LRRC58: variants seen among roughly 807,000 people sequenced by gnomAD.
The protein encoded by LRRC58 is leucine-rich repeat-containing protein 58.
Under a neutral mutation model 30.6 loss-of-function variants are expected in LRRC58, and 18 were observed. The observed-to-expected ratio is 0.59, with a 90% CI of 0.41 to 0.87. The LOEUF is 0.87. LRRC58 is among the 40% of genes least tolerant of loss of function. The pLI, the probability that LRRC58 is intolerant of heterozygous loss-of-function variation, is 0.00. For synonymous variants in LRRC58, 221 were observed against 206.0 expected (o/e 1.07, Z -0.62); for missense variants, 420 against 468.4 (o/e 0.90, Z 0.95).
chr3:120,326,353 G>A lies in LRRC58; in HGVS notation c.*4847C>T, dbSNP rs1253800154. ...CTGGCTAATTTTTGTATTTTTAGTA[G>A]AGATGTGATTTTGCCATGTTGGCCA... On this transcript the variant is annotated 3_prime_UTR_variant, in exon 4 of 4. Transcript: ENST00000295628. The A allele has an allele frequency of 6.6e-6, 1 of 152,144 alleles. No homozygotes were observed. The highest frequency in any genetic ancestry group is 2.4e-5 in the African/African-American group (1 of 41,424). The allele number at this position is 152,144 out of a possible 1,614,324, so 9.4% of individuals were successfully genotyped here. A position where few individuals can be genotyped will look rare whatever the true frequency, so the allele number is the denominator to read the frequency against.
At chr3:120,335,286 G>T in intron 2 of LRRC58, 147 bp from the exon 3 acceptor site, 1 of 720,170 alleles carries the variant, frequency 1.4e-6, no homozygotes, top group Non-Finnish European at 2.2e-6. Flanking sequence ...AAAAGGTGCT[G>T]AAACTAGATC....
chr3:120,339,618 G>A (rs537563225), intron 1 of LRRC58, among the ~76,000 whole-genome samples: 62 of 152,146 alleles, frequency 4.1e-4, no homozygotes, highest in Admixed American at 1.6e-3. Flanking sequence ...ATGCTGCTCC[G>A]TTATCTTATT....
intron 1 of LRRC58, among the ~76,000 whole-genome samples, chr3:120,341,289 T>C (rs1196355367): frequency 1.3e-5 from 2 of 152,044 alleles, no homozygotes; most frequent in African/African-American, 4.8e-5. Flanking sequence ...CAGAAACTAC[T>C]AGGTTCCTGG....
intron 3 of LRRC58, among the ~76,000 whole-genome samples, chr3:120,333,979 T>C (rs1264018088): frequency 6.6e-6 from 1 of 152,338 alleles, no homozygotes; most frequent in South Asian, 2.1e-4. Context: ...TCCCCCTCCT[T>C]TGATTTCCAG....
Position 120,349,227 on chromosome 3 carries a change from G to T in LRRC58, c.17C>A (p.Ala6Glu). The T allele has an allele frequency of 7.1e-7, 1 of 1,410,194 alleles. No homozygotes were observed. Among genetic ancestry groups the T allele is most frequent in the Non-Finnish European group, 9.2e-7 (1 of 1,088,712 alleles). 87.4% of individuals were successfully genotyped at this position (1,410,194 alleles called of 1,614,324 possible). ...GGCCTCCCCGGCCGTGACCACCGCT[G>T]CTCCGGCCTCCTCCATCCTGGCCAC... MEEAG[A>E]AVVTAGEAEL... is the part of the protein sequence containing the mutation. The change falls in exon 1 of 4, where the codon GCA becomes GAA. Residue 6 changes from alanine to glutamate, a missense_variant. This residue lies in a region of LRRC58 where 266 missense variants were observed against 251.7 expected (regional missense o/e 1.06). Transcript: ENST00000295628.
intron 1 of LRRC58, among the ~76,000 whole-genome samples, chr3:120,341,949 C>T (rs1320825321): frequency 1.3e-5 from 2 of 152,088 alleles, no homozygotes; most frequent in Admixed American, 6.5e-5. Context: ...CCTGCCTTCC[C>T]GCGAGCAGCT....
chr3:120,342,191 A>G (rs1456265902), intron 1 of LRRC58, among the ~76,000 whole-genome samples: 1 of 152,150 alleles, frequency 6.6e-6, no homozygotes, highest in Non-Finnish European at 1.5e-5. Flanking sequence ...GTGGGTCCCC[A>G]GTAAGGCCCC....
intron 1 of LRRC58, among the ~76,000 whole-genome samples, chr3:120,346,848 C>T (rs1315997076): frequency 6.6e-6 from 1 of 152,222 alleles, no homozygotes; most frequent in East Asian, 1.9e-4. Flanking sequence ...TCTCCTCACT[C>T]CATTCTTGCA....
chr3:120,347,433 G>A (rs1935985997), intron 1 of LRRC58, among the ~76,000 whole-genome samples: 1 of 115,650 alleles, frequency 8.6e-6, no homozygotes, highest in Non-Finnish European at 1.7e-5. Context: ...CGCCCAGGCC[G>A]GACTGCGGAC....
intron 3 of LRRC58, among the ~76,000 whole-genome samples, chr3:120,334,350 CA>C (rs1013008340): frequency 1.3e-5 from 2 of 150,230 alleles, no homozygotes; most frequent in African/African-American, 4.9e-5. Flanking sequence ...TAAAAAAATA[CA>C]AAAAAAATTA....
chr3:120,333,666 G>A (rs1014816844), intron 3 of LRRC58, among the ~76,000 whole-genome samples: 2 of 152,146 alleles, frequency 1.3e-5, no homozygotes, highest in East Asian at 3.8e-4. Context: ...TTTTTTAAAA[G>A]TAGTCTTTTA....
Position 120,331,243 on chromosome 3 carries a change from G to T in LRRC58, c.1073C>A (p.Ala358Asp), listed in dbSNP as rs1935751750. 6.2e-7 allele frequency: 1 copy of T among 1,613,834 alleles called. No individual in the cohort carries two copies. The highest frequency in any genetic ancestry group is 1.3e-5 in the African/African-American group (1 of 74,914). The change falls in exon 4 of 4, where the codon GCT (alanine) becomes GAT (aspartate). Residue 358 changes from alanine to aspartate, a missense_variant. By Grantham distance (126) the Ala-to-Asp change is moderately radical. Coordinates refer to ENST00000295628, the MANE Select transcript of LRRC58 (RefSeq NM_001099678.2). Reference sequence around the variant, plus strand: ...CTGCATTCTGCGTGCAGCAACACTAGCTTCATCTTCTGAGTCAGATTCACT... The same window carrying T: ...CTGCATTCTGCGTGCAGCAACACTATCTTCATCTTCTGAGTCAGATTCACT... ...SQSESDSEDEASVAARRMQKV... is the reference protein window; with the variant it reads ...SQSESDSEDEDSVAARRMQKV...
chr3:120,340,718 C>T (rs888897541), intron 1 of LRRC58, among the ~76,000 whole-genome samples: 1 of 151,984 alleles, frequency 6.6e-6, no homozygotes, highest in Non-Finnish European at 1.5e-5. Context: ...ACTAAAAAAA[C>T]AAAAACAAAC....
chr3:120,347,493 G>A (rs556270626), intron 1 of LRRC58, among the ~76,000 whole-genome samples: 43 of 144,284 alleles, frequency 3.0e-4, no homozygotes, highest in Admixed American at 1.0e-3. Context: ...CCGGGTTCAC[G>A]CCATTCTCCT....
At position 120,325,240 on chromosome 3, in the gene LRRC58, TA is replaced by T. The variant is rs999877392; in HGVS notation, c.*5959del. 1 of 152,238 alleles carries T rather than the reference TA, an allele frequency of 6.6e-6. No individual in the cohort carries two copies. Among genetic ancestry groups the T allele is most frequent in the African/African-American group, 2.4e-5 (1 of 41,466 alleles). 9.4% of individuals were successfully genotyped at this position (152,238 alleles called of 1,614,324 possible). A position where few individuals can be genotyped will look rare whatever the true frequency, so the allele number is the denominator to read the frequency against. Reference sequence around the variant, plus strand: ...TTCTCTTAAACATAAGCGGTAGACATAATTAACCAATTTAGTCATGTTTTTG... The same window carrying T: ...TTCTCTTAAACATAAGCGGTAGACATATTAACCAATTTAGTCATGTTTTTG... On this transcript the variant is annotated 3_prime_UTR_variant, in exon 4 of 4. Transcript: ENST00000295628.
At position 120,349,034 on chromosome 3, in the gene LRRC58, G is replaced by C. The variant is rs1936017367; in HGVS notation, c.210C>G (p.Leu70=). ...CGTTGCCGCTCACGTCCAGCAGCTG[G>C]AGGTGCGGGAAGCCGCTGCCCAGCG... ...PRALGSGFPH[L]QLLDVSGNAL... Residue 70 remains leucine (L), a synonymous_variant, in exon 1 of 4, where the codon CTC becomes CTG. Transcript: ENST00000295628. 1 of 1,518,548 alleles carries C rather than the reference G, an allele frequency of 6.6e-7. No homozygotes were observed. The highest frequency in any genetic ancestry group is 8.8e-7 in the Non-Finnish European group (1 of 1,141,000). 94.1% of individuals were successfully genotyped at this position (1,518,548 alleles called of 1,614,324 possible).
intron 1 of LRRC58, among the ~76,000 whole-genome samples, chr3:120,345,115 TA>T (rs5852243): frequency 0.29 from 42,478 of 147,860 alleles, 6,781 homozygotes; most frequent in African/African-American, 0.43. Flanking sequence ...CAGAAAACGT[TA>T]AAAAAAAAAA....
chr3:120,342,405 A>G (rs1392843628), intron 1 of LRRC58, among the ~76,000 whole-genome samples: 1 of 152,188 alleles, frequency 6.6e-6, no homozygotes, highest in Non-Finnish European at 1.5e-5. Flanking sequence ...AGAAGATGGG[A>G]TGGGGTGACC....
At position 120,329,145 on chromosome 3, in the gene LRRC58, A is replaced by G. The variant is rs1195383171; in HGVS notation, c.*2055T>C. The G allele has an allele frequency of 3.3e-5, 5 of 152,310 alleles. No individual in the cohort carries two copies. In the East Asian group the frequency reaches 9.6e-4, roughly 29 times the overall value. The allele number at this position is 152,310 out of a possible 1,614,324, so 9.4% of individuals were successfully genotyped here. ...TGGTAATTGATTAGGAAGTAGGCAT[A>G]AGCATTTAGGCCAGAAAAAATTGGT... On this transcript the variant is annotated 3_prime_UTR_variant, in exon 4 of 4. Transcript: ENST00000295628.
Sources: gnomAD v4.1 joint callset for allele counts (sites outside exome capture counted in the v4.1 genomes callset) on GRCh38, gnomAD v4.1.1 for gene constraint, gnomAD v4.1.1 regional missense constraint, MANE v1.5 for transcripts, NCBI Gene and HGNC (gene_info 2026-07-23, HGNC 2026-07-21) for gene names.